Variants in CACNA1D observed in about 807,000 individuals in gnomAD.
CACNA1D encodes voltage-dependent L-type calcium channel subunit alpha-1D.
CACNA1D carries 55 observed loss-of-function variants against 257.1 expected under a neutral mutation model. The ratio of observed to expected loss-of-function variants is 0.21; its 90% confidence interval spans 0.17 to 0.27. The LOEUF is 0.27. Among genes scored for constraint, CACNA1D ranks in the 10% least tolerant of loss-of-function variants. The pLI is 1.00. For synonymous variants in CACNA1D, 980 were observed against 1,014.9 expected, an observed-to-expected ratio of 0.97 and a Z score of 0.65; for missense variants, 1,876 against 2,784.0, an observed-to-expected ratio of 0.67 and a Z score of 7.34.
chr3:53,597,418 G>A (rs2093384189), intron 3 of CACNA1D, among the ~76,000 whole-genome samples: 3 of 152,232 alleles, frequency 2.0e-5, no homozygotes, highest in Admixed American at 1.3e-4. Flanking sequence ...AGCACCAGGA[G>A]GTAGTGGAGT....
At chr3:53,564,214 G>A (rs1170039616) in intron 3 of CACNA1D, among the ~76,000 whole-genome samples, 1 of 152,018 alleles carries the variant, frequency 6.6e-6, no homozygotes, top group Non-Finnish European at 1.5e-5. Context: ...AGGCTGGAGT[G>A]CAATGGCATA....
chr3:53,676,507 C>T (rs530372015), intron 8 of CACNA1D, among the ~76,000 whole-genome samples: 6 of 152,312 alleles, frequency 3.9e-5, no homozygotes, highest in African/African-American at 1.4e-4. Flanking sequence ...CAGACCAACA[C>T]AAATGTAATC....
chr3:53,689,166 T>C (rs970272662), intron 8 of CACNA1D, among the ~76,000 whole-genome samples: 2 of 152,162 alleles, frequency 1.3e-5, no homozygotes, highest in Non-Finnish European at 2.9e-5. Context: ...CATTGAAGGA[T>C]GGACAGGATT....
At chr3:53,523,505 C>T (rs1027524117) in intron 3 of CACNA1D, among the ~76,000 whole-genome samples, 1 of 152,244 alleles carries the variant, frequency 6.6e-6, no homozygotes, top group Non-Finnish European at 1.5e-5. Context: ...CACAGTGGCA[C>T]AACTGAGACT....
chr3:53,565,653 G>A (rs2092821175), intron 3 of CACNA1D, among the ~76,000 whole-genome samples: 1 of 152,148 alleles, frequency 6.6e-6, no homozygotes, highest in Non-Finnish European at 1.5e-5. Flanking sequence ...AAAGGCATGT[G>A]GAACCTTGTG....
chr3:53,803,911 C>G (rs971981335), intron 44 of CACNA1D, among the ~76,000 whole-genome samples: 4 of 152,204 alleles, frequency 2.6e-5, no homozygotes, highest in Non-Finnish European at 5.9e-5. Flanking sequence ...TGAATTAACA[C>G]TTGGAGCTCT....
chr3:53,514,695 T>C (rs1307989364), intron 3 of CACNA1D, among the ~76,000 whole-genome samples: 1 of 151,652 alleles, frequency 6.6e-6, no homozygotes, highest in Non-Finnish European at 1.5e-5. Flanking sequence ...GCCTTAGCTG[T>C]AGATGAAGAA....
At chr3:53,741,725 A>G (rs1462884319) in intron 21 of CACNA1D, among the ~76,000 whole-genome samples, 1 of 152,080 alleles carries the variant, frequency 6.6e-6, no homozygotes, top group African/African-American at 2.4e-5. Flanking sequence ...CAGAACACTC[A>G]CCGGCTCAGC....
intron 44 of CACNA1D, among the ~76,000 whole-genome samples, chr3:53,803,977 G>A (rs1183763425): frequency 6.6e-6 from 1 of 152,102 alleles, no homozygotes; most frequent in Non-Finnish European, 1.5e-5. Flanking sequence ...GCTGGGCCAG[G>A]TCCTCATGCA....
Position 53,788,341 on chromosome 3 carries a change from C to T in CACNA1D, c.4923+1389C>T, listed in dbSNP as rs3774599. 1.1e-3 allele frequency among the ~76,000 whole-genome samples: 162 copies of T among 152,228 alleles called. 3 individuals carry two copies. In the East Asian group the frequency reaches 0.029, roughly 27 times the overall value. On this transcript the variant is annotated intron_variant, in intron 40 of 47. Coordinates refer to ENST00000350061, the MANE Select transcript of CACNA1D (RefSeq NM_001128840.3). ...ACAGTGATCTTCCTGCCTCTCATCA[C>T]GTATCCTAAAGGTAGCTGAGGGAAT...
At chr3:53,501,404 G>A (rs903155225) in intron 2 of CACNA1D, among the ~76,000 whole-genome samples, 1 of 152,164 alleles carries the variant, frequency 6.6e-6, no homozygotes, top group African/African-American at 2.4e-5. Flanking sequence ...AAAAGGACAC[G>A]GAGAGGTCAT....
intron 30 of CACNA1D, among the ~76,000 whole-genome samples, chr3:53,764,000 A>T (rs2095318374): frequency 6.6e-6 from 1 of 151,646 alleles, no homozygotes. Context: ...TCCCTGTAAT[A>T]AGTAAAACAG....
At position 53,535,483 on chromosome 3, in the gene CACNA1D, G is replaced by A. The variant is rs539230669; in HGVS notation, c.483+33763G>A. ...TAGAATTCTAGCCTCCTGACCTGGG[G>A]GGTGAATATTGACTGGCAGGCTTTA... On this transcript the variant is annotated intron_variant, in intron 3 of 47. Transcript: ENST00000350061. Among the ~76,000 whole-genome samples, 7 of 152,290 alleles carry A rather than the reference G, an allele frequency of 4.6e-5. No homozygotes were observed. In the South Asian group the frequency reaches 1.2e-3, roughly 27 times the overall value.
intron 9 of CACNA1D, among the ~76,000 whole-genome samples, chr3:53,706,601 G>A (rs2094691640): frequency 6.6e-6 from 1 of 152,202 alleles, no homozygotes; most frequent in East Asian, 1.9e-4. Context: ...TCAGACACCA[G>A]TAAAAGTTGA....
At position 53,740,260 on chromosome 3, in the gene CACNA1D, C is replaced by G. The variant is rs1386613861; in HGVS notation, c.2752-20C>G. The stretch of plus-strand genomic sequence containing the variant: ...TTTGTCTGAATTCCTTTTCTCACTC[C>G]CACATGTTGTGCCTTGCAGATACTG... On this transcript the variant is annotated intron_variant, in intron 20 of 47. Transcript: ENST00000350061. 6.3e-7 allele frequency: 1 copy of G among 1,583,022 alleles called. No individual in the cohort carries two copies. The highest frequency in any genetic ancestry group is 8.7e-7 in the Non-Finnish European group (1 of 1,151,654).
At chr3:53,515,368 G>A (rs1269847445) in intron 3 of CACNA1D, among the ~76,000 whole-genome samples, 2 of 152,166 alleles carry the variant, frequency 1.3e-5, no homozygotes, top group Non-Finnish European at 2.9e-5. Flanking sequence ...CGATGGTCGT[G>A]CAGTTCCTAG....
Position 53,808,230 on chromosome 3 carries a change from C to G in CACNA1D, c.5750-419C>G, listed in dbSNP as rs185380790. 2.4e-3 allele frequency: 555 copies of G among 231,128 alleles called. 5 individuals are homozygous for G. The highest frequency in any genetic ancestry group is 0.012 in the African/African-American group (536 of 43,428). 14.3% of individuals were successfully genotyped at this position (231,128 alleles called of 1,614,324 possible). The stretch of plus-strand genomic sequence containing the variant: ...GAGATCGAGACCATCCTGGCTAACA[C>G]GGTGAAACCCTGTCTCTACTGAAAA... On this transcript the variant is annotated intron_variant, in intron 45 of 47. Coordinates refer to ENST00000350061, the MANE Select transcript of CACNA1D (RefSeq NM_001128840.3).
chr3:53,668,309 C>G (rs181982104), intron 7 of CACNA1D, among the ~76,000 whole-genome samples: 1 of 152,128 alleles, frequency 6.6e-6, no homozygotes, highest in Non-Finnish European at 1.5e-5. Context: ...TGTTGCCAAG[C>G]AAGTGTAAAA....
intron 7 of CACNA1D, 53 bp downstream of exon 7, chr3:53,666,588 G>A (rs936733733): frequency 2.0e-6 from 3 of 1,483,796 alleles, no homozygotes; most frequent in Non-Finnish European, 2.8e-6. Flanking sequence ...GGATAAGTGG[G>A]TTTTGTGAGC....
Sources: gnomAD v4.1 joint callset for allele counts (sites outside exome capture counted in the v4.1 genomes callset) on GRCh38, gnomAD v4.1.1 for gene constraint, MANE v1.5 for transcripts, NCBI Gene and HGNC (gene_info 2026-07-23, HGNC 2026-07-21) for gene names.